DLGAP1: variants seen among roughly 807,000 people sequenced by gnomAD.
DLGAP1 encodes disks large-associated protein 1.
DLGAP1 carries 11 observed loss-of-function variants against 90.8 expected under a neutral mutation model. The ratio of observed to expected loss-of-function variants is 0.12; its 90% CI spans 0.08 to 0.20. The LOEUF (loss-of-function observed/expected upper bound fraction) is 0.20, where lower values mean the gene tolerates loss of function less well. DLGAP1 is among the 10% of genes least tolerant of loss of function. The probability of loss-of-function intolerance (pLI) is 1.00; values close to 1 mark genes in which losing one functional copy is unlikely to be tolerated. For synonymous variants in DLGAP1, 558 were observed against 540.7 expected (o/e 1.03, Z -0.44); for missense variants, 1,050 against 1,333.8 (o/e 0.79, Z 3.31).
At chr18:4,053,421 G>A (rs2075165189) in intron 2 of DLGAP1, among the ~76,000 whole-genome samples, 1 of 152,174 alleles carries the variant, frequency 6.6e-6, no homozygotes, top group Non-Finnish European at 1.5e-5. Context: ...CTGCCCCCAT[G>A]ATGCAATTAC....
chr18:4,394,709 A>G (rs1198374599), intron 1 of DLGAP1, among the ~76,000 whole-genome samples: 1 of 152,226 alleles, frequency 6.6e-6, no homozygotes. Context: ...AATTAATTTT[A>G]AATAGGTGGG....
At chr18:4,235,719 C>CTTTTTTTTTTTTTTTTT (rs1175101805) in intron 1 of DLGAP1, among the ~76,000 whole-genome samples, 2 of 80,270 alleles carry the variant, frequency 2.5e-5, no homozygotes, top group African/African-American at 5.0e-5. Flanking sequence ...ATTTCAATGT[C>CTTTTTTTTTTTTTTTTT]TTTTTTTTTT....
chr18:3,767,498 T>C (rs891457332), intron 5 of DLGAP1, among the ~76,000 whole-genome samples: 2 of 152,024 alleles, frequency 1.3e-5, no homozygotes, highest in Non-Finnish European at 2.9e-5. Flanking sequence ...AATGTTCTTA[T>C]CAAAACATTG....
intron 2 of DLGAP1, among the ~76,000 whole-genome samples, chr18:4,092,357 G>A (rs2075784368): frequency 6.6e-6 from 1 of 152,116 alleles, no homozygotes; most frequent in African/African-American, 2.4e-5. Flanking sequence ...ATAGTCTTAG[G>A]GAGGCCCTGT....
chr18:4,439,639 C>T (rs1040277882), intron 1 of DLGAP1, among the ~76,000 whole-genome samples: 5 of 151,840 alleles, frequency 3.3e-5, no homozygotes, highest in Non-Finnish European at 5.9e-5. Flanking sequence ...GACCTTGTCT[C>T]CACAAAAAAA....
At chr18:4,149,095 G>A (rs1302646647) in intron 2 of DLGAP1, among the ~76,000 whole-genome samples, 2 of 152,190 alleles carry the variant, frequency 1.3e-5, no homozygotes, top group Admixed American at 6.5e-5. Context: ...GTGTATACAC[G>A]GACACCTTCT....
At chr18:4,140,187 C>CT (rs570548370) in intron 2 of DLGAP1, among the ~76,000 whole-genome samples, 2 of 151,798 alleles carry the variant, frequency 1.3e-5, no homozygotes, top group Non-Finnish European at 2.9e-5. Context: ...TTGCTTCTTT[C>CT]TTTTTTTCCT....
At chr18:3,638,400 G>A (rs1035040432) in intron 7 of DLGAP1, among the ~76,000 whole-genome samples, 6 of 151,810 alleles carry the variant, frequency 4.0e-5, no homozygotes, top group African/African-American at 9.7e-5. Flanking sequence ...GACTTGTACC[G>A]CCATGCCTGG....
intron 2 of DLGAP1, among the ~76,000 whole-genome samples, chr18:4,046,998 T>C (rs374579456): frequency 3.3e-5 from 5 of 152,348 alleles, no homozygotes; most frequent in Admixed American, 2.0e-4. Context: ...CTCCACATCC[T>C]GGAACTAGAG....
chr18:3,534,564 G>A lies in DLGAP1; in HGVS notation c.2109C>T (p.Asp703=). The A allele has an allele frequency of 6.2e-7, 1 of 1,612,742 alleles. No individual in the cohort carries two copies. The highest frequency in any genetic ancestry group is 1.1e-5 in the South Asian group (1 of 90,796). The part of the protein sequence containing the change: ...SNSVTTAVQA[D]LDFHDNLENS... The stretch of plus-strand genomic sequence containing the variant: ...TTTCCAGATTATCATGGAAGTCCAG[G>A]TCGGCCTGTACTGCTGTCGTCACAC... Residue 703 remains aspartate, a synonymous_variant, in exon 10 of 13, where the codon GAC becomes GAT. Transcript: ENST00000315677.
At chr18:4,269,539 A>G (rs762039397) in intron 1 of DLGAP1, among the ~76,000 whole-genome samples, 6 of 151,810 alleles carry the variant, frequency 4.0e-5, no homozygotes, top group African/African-American at 7.2e-5. Flanking sequence ...TATTTTTAGT[A>G]GAGACGGGGT....
At position 3,738,275 on chromosome 18, in the gene DLGAP1, T is replaced by C. The variant is rs1438000388; in HGVS notation, c.1350+4060A>G. ...TCTTCACAGAATTGGAAAAAACTAC[T>C]TTAAAGTTCATATGGAACAAAAAAA... On this transcript the variant is annotated intron_variant, in intron 6 of 12. Transcript: ENST00000315677. Among the ~76,000 whole-genome samples, 9 of 146,598 alleles carry C rather than the reference T, an allele frequency of 6.1e-5. No individual in the cohort carries two copies. The South Asian group carries it at 1.3e-3, about 21-fold the overall frequency.
intron 7 of DLGAP1, among the ~76,000 whole-genome samples, chr18:3,685,128 T>C (rs988779479): frequency 9.2e-5 from 14 of 152,186 alleles, no homozygotes; most frequent in Non-Finnish European, 1.9e-4. Flanking sequence ...TTGATTTTAG[T>C]TATTGCCTTA....
chr18:3,634,203 T>TATC (rs1370683478), intron 7 of DLGAP1, among the ~76,000 whole-genome samples: 1 of 151,872 alleles, frequency 6.6e-6, no homozygotes, highest in Non-Finnish European at 1.5e-5. Context: ...TAAAATAAGT[T>TATC]ATCTTTGAAC....
intron 4 of DLGAP1, among the ~76,000 whole-genome samples, chr18:3,862,829 A>C (rs539423002): frequency 6.6e-6 from 1 of 152,398 alleles, no homozygotes; most frequent in Admixed American, 6.5e-5. Context: ...TGATTTATTT[A>C]ATGCCACACT....
chr18:3,795,549 C>T (rs376685771), intron 5 of DLGAP1, among the ~76,000 whole-genome samples: 9 of 152,152 alleles, frequency 5.9e-5, no homozygotes, highest in African/African-American at 2.2e-4. Context: ...CTCTTGACCT[C>T]GTGATCTGCC....
chr18:4,095,886 G>A (rs1448968441), intron 2 of DLGAP1, among the ~76,000 whole-genome samples: 1 of 151,818 alleles, frequency 6.6e-6, no homozygotes, highest in Non-Finnish European at 1.5e-5. Context: ...AGAAGGAGGG[G>A]TAGGCGGAAT....
chr18:4,152,809 GA>G (rs758507052), intron 1 of DLGAP1, among the ~76,000 whole-genome samples: 4 of 152,108 alleles, frequency 2.6e-5, no homozygotes, highest in Non-Finnish European at 5.9e-5. Context: ...TATGAGCCCT[GA>G]TTTATATACT....
At chr18:3,825,821 C>T (rs1368383695) in intron 4 of DLGAP1, among the ~76,000 whole-genome samples, 1 of 152,186 alleles carries the variant, frequency 6.6e-6, no homozygotes, top group African/African-American at 2.4e-5. Context: ...TACACCTGCA[C>T]TCACATGTTG....
Sources: gnomAD v4.1 joint callset for allele counts (sites outside exome capture counted in the v4.1 genomes callset) on GRCh38, gnomAD v4.1.1 for gene constraint, MANE v1.5 for transcripts, NCBI Gene and HGNC (gene_info 2026-07-23, HGNC 2026-07-21) for gene names.